DCDC2: variants seen among roughly 807,000 people sequenced by gnomAD.
DCDC2 encodes the protein doublecortin domain containing 2.
A neutral mutation model predicts 50.2 loss-of-function variants in DCDC2; 40 were observed. The ratio of observed to expected loss-of-function variants is 0.80; its 90% CI spans 0.62 to 1.04. The LOEUF (loss-of-function observed/expected upper bound fraction) is 1.04, where lower values mean the gene tolerates loss of function less well. DCDC2 is among the 50% of genes least tolerant of loss of function. The pLI is 0.00. For synonymous variants in DCDC2, 234 were observed against 210.6 expected, an observed-to-expected ratio of 1.11 and a Z score of -0.96; for missense variants, 570 against 581.9, an observed-to-expected ratio of 0.98 and a Z score of 0.21.
chr6:24,366,079 A>G, the DCDC2 span, among the ~76,000 whole-genome samples: 1 of 152,184 alleles, frequency 6.6e-6, no homozygotes, highest in South Asian at 2.1e-4. Context: ...CAGCCTCCCA[A>G]AGTGCTTGGA....
intron 7 of DCDC2, among the ~76,000 whole-genome samples, chr6:24,277,014 G>A (rs1763373291): frequency 1.3e-5 from 2 of 152,128 alleles, no homozygotes; most frequent in Non-Finnish European, 2.9e-5. Flanking sequence ...CATTTCGCCT[G>A]TTCTTTTAAC....
chr6:24,357,710 G>A lies in DCDC2; in HGVS notation c.41C>T (p.Pro14Leu). Residue 14 changes from proline to leucine, a missense_variant, in exon 1 of 10, where the codon CCC (proline) becomes CTC (leucine). By Grantham distance (98) the Pro-to-Leu change is moderately conservative. Coordinates refer to ENST00000378454, the MANE Select transcript of DCDC2 (RefSeq NM_016356.5). ...SSARSSHLSQ[P>L]VVKSVLVYRN... ...GTACACAAGCACGCTCTTCACGACG[G>A]GCTGAGACAGGTGGCTGGACCTGGC... The A allele has an allele frequency of 6.2e-7, 1 of 1,613,020 alleles. No individual in the cohort carries two copies.
chr6:24,234,452 T>C (rs1476028601), intron 7 of DCDC2, among the ~76,000 whole-genome samples: 1 of 151,954 alleles, frequency 6.6e-6, no homozygotes, highest in Non-Finnish European at 1.5e-5. Context: ...TTTGGACAGA[T>C]AACGTTGGGA....
At position 24,278,301 on chromosome 6, in the gene DCDC2, A is replaced by G. The variant is rs543454803; in HGVS notation, c.760-90T>C. 9.0e-6 allele frequency: 11 copies of G among 1,219,660 alleles called. No homozygotes were observed. The South Asian group carries it at 1.6e-4, about 18-fold the overall frequency. 75.6% of individuals were successfully genotyped at this position (1,219,660 alleles called of 1,614,324 possible). Reference sequence around the variant, plus strand: ...TACATGTCATTAACTACTGGTAAGCAGGGCAGGGGCAGGGAGGTGTATTGT... The same window carrying G: ...TACATGTCATTAACTACTGGTAAGCGGGGCAGGGGCAGGGAGGTGTATTGT... On this transcript the variant is annotated intron_variant, in intron 6 of 9. Coordinates refer to ENST00000378454, the MANE Select transcript of DCDC2 (RefSeq NM_016356.5).
At chr6:24,341,822 T>C (rs940097452) in intron 2 of DCDC2, among the ~76,000 whole-genome samples, 1 of 152,142 alleles carries the variant, frequency 6.6e-6, no homozygotes, top group African/African-American at 2.4e-5. Flanking sequence ...CTCACCAAAC[T>C]ACCCTTCCAA....
intron 7 of DCDC2, among the ~76,000 whole-genome samples, chr6:24,263,072 GTC>G (rs1763047268): frequency 6.6e-6 from 1 of 152,244 alleles, no homozygotes. Flanking sequence ...GGGGAAAAGA[GTC>G]TCTGCCTGGT....
chr6:24,345,687 A>G (rs1354289650), intron 2 of DCDC2, among the ~76,000 whole-genome samples: 1 of 152,204 alleles, frequency 6.6e-6, no homozygotes, highest in Non-Finnish European at 1.5e-5. Context: ...TAGCACACTT[A>G]TTCACTGATA....
chr6:24,241,357 T>A lies in DCDC2; in HGVS notation c.923-36255A>T, dbSNP rs184679128. 4.4e-3 allele frequency among the ~76,000 whole-genome samples: 668 copies of A among 152,322 alleles called. 2 individuals carry two copies. The highest frequency in any genetic ancestry group is 0.015 in the African/African-American group (623 of 41,562). On this transcript the variant is annotated intron_variant, in intron 7 of 9. Coordinates refer to ENST00000378454, the MANE Select transcript of DCDC2 (RefSeq NM_016356.5). Reference sequence around the variant, plus strand: ...ACATTTTACACAAATATATTTCACATAATCACGCACTCCTAAAACATGACT... The same window carrying A: ...ACATTTTACACAAATATATTTCACAAAATCACGCACTCCTAAAACATGACT...
intron 8 of DCDC2, 40 bp from the exon 9 acceptor site, chr6:24,178,672 A>T (rs750735709): frequency 1.9e-6 from 3 of 1,556,158 alleles, no homozygotes; most frequent in African/African-American, 2.7e-5. Flanking sequence ...AGTAAGAAGC[A>T]TAACAGAACA....
chr6:24,312,673 T>A (rs1759594374), intron 2 of DCDC2, among the ~76,000 whole-genome samples: 1 of 152,170 alleles, frequency 6.6e-6, no homozygotes, highest in Non-Finnish European at 1.5e-5. Context: ...GGTTAGGGCT[T>A]ATCTGTCAAG....
chr6:24,208,447 C>T (rs1770454), intron 7 of DCDC2, among the ~76,000 whole-genome samples: 5 of 150,428 alleles, frequency 3.3e-5, no homozygotes, highest in African/African-American at 1.2e-4. Flanking sequence ...CTCCGCTCAC[C>T]GCAAGCTCCG....
intron 2 of DCDC2, among the ~76,000 whole-genome samples, chr6:24,316,891 AC>A (rs1561771808): frequency 6.6e-6 from 1 of 152,046 alleles, no homozygotes; most frequent in Non-Finnish European, 1.5e-5. Flanking sequence ...TATGAAAAAT[AC>A]AAGGAAAACA....
intron 7 of DCDC2, among the ~76,000 whole-genome samples, chr6:24,258,277 G>A (rs984797600): frequency 6.6e-6 from 1 of 151,866 alleles, no homozygotes; most frequent in Non-Finnish European, 1.5e-5. Context: ...GCTGGGGGCG[G>A]GGGGTGGCCA....
intron 2 of DCDC2, among the ~76,000 whole-genome samples, chr6:24,351,650 G>A (rs1039038388): frequency 3.9e-5 from 6 of 152,176 alleles, no homozygotes; most frequent in African/African-American, 1.4e-4. Flanking sequence ...ACAAGGGGTA[G>A]GTTTTTCACA....
chr6:24,317,097 T>A lies in DCDC2; in HGVS notation c.349-15053A>T, dbSNP rs548525666. Among the ~76,000 whole-genome samples, 1,138 of 152,040 alleles carry A rather than the reference T, an allele frequency of 7.5e-3. 10 individuals are homozygous for A. The highest frequency in any genetic ancestry group is 0.026 in the African/African-American group (1,060 of 41,504). ...CACACATACATGCATACATCTGTATTTACAGATGTATGTATGGAGAAAAAC... is the reference window on the plus strand; with the variant it reads ...CACACATACATGCATACATCTGTATATACAGATGTATGTATGGAGAAAAAC... On this transcript the variant is annotated intron_variant, in intron 2 of 9. Coordinates refer to ENST00000378454, the MANE Select transcript of DCDC2 (RefSeq NM_016356.5).
intron 2 of DCDC2, among the ~76,000 whole-genome samples, chr6:24,314,246 G>A (rs1351728554): frequency 3.9e-5 from 6 of 152,218 alleles, no homozygotes; most frequent in African/African-American, 1.4e-4. Flanking sequence ...GCCAAGGCAA[G>A]AGAATCACTT....
intron 6 of DCDC2, among the ~76,000 whole-genome samples, chr6:24,286,608 A>AC (rs989742602): frequency 1.4e-4 from 21 of 150,914 alleles, no homozygotes; most frequent in Admixed American, 6.6e-4. Flanking sequence ...AAAAAAAAAA[A>AC]CCACCTGCAA....
intron 6 of DCDC2, among the ~76,000 whole-genome samples, chr6:24,281,374 T>C (rs2113822086): frequency 6.7e-6 from 1 of 149,302 alleles, no homozygotes; most frequent in Non-Finnish European, 1.5e-5. Flanking sequence ...AGGCTCTTGC[T>C]ATGTTCCCCA....
chr6:24,374,867 C>G, the DCDC2 span, among the ~76,000 whole-genome samples: 2 of 152,176 alleles, frequency 1.3e-5, no homozygotes, highest in African/African-American at 4.8e-5. Context: ...TCAGCCCCAT[C>G]GGGAGAACGC....
Sources: gnomAD v4.1 joint callset for allele counts (sites outside exome capture counted in the v4.1 genomes callset) on GRCh38, gnomAD v4.1.1 for gene constraint, MANE v1.5 for transcripts, NCBI Gene and HGNC (gene_info 2026-07-23, HGNC 2026-07-21) for gene names.